DCC: variants seen among roughly 807,000 people sequenced by gnomAD.
DCC encodes the protein netrin receptor DCC.
DCC carries 58 observed loss-of-function variants against 172.5 expected under a neutral mutation model. That is an observed-to-expected ratio of 0.34 (90% CI 0.27 to 0.42). The LOEUF is 0.42. Among genes scored for constraint, DCC ranks in the 10% least tolerant of loss-of-function variants. The pLI is 1.00. For missense variants in DCC, 1,740 were observed against 1,791.0 expected, an observed-to-expected ratio of 0.97 and a Z score of 0.51; for synonymous variants, 709 against 644.5, an observed-to-expected ratio of 1.10 and a Z score of -1.52.
chr18:52,917,980 A>G (rs2040065705), intron 3 of DCC, among the ~76,000 whole-genome samples: 1 of 128,096 alleles, frequency 7.8e-6, no homozygotes, highest in Non-Finnish European at 1.9e-5. Context: ...ATTAGAAAAA[A>G]ATCCATTTTT....
chr18:53,137,345 C>T (rs1172968172), intron 7 of DCC, among the ~76,000 whole-genome samples: 2 of 152,142 alleles, frequency 1.3e-5, no homozygotes, highest in Non-Finnish European at 2.9e-5. Flanking sequence ...GGTCTGAGTT[C>T]CCCATGTCCT....
intron 12 of DCC, among the ~76,000 whole-genome samples, chr18:53,300,596 C>G (rs984307615): frequency 6.6e-5 from 10 of 152,060 alleles, no homozygotes; most frequent in Non-Finnish European, 1.0e-4. Flanking sequence ...TAGAAACACA[C>G]ATAAAACAAG....
chr18:52,758,077 A>C (rs2037103884), intron 2 of DCC, among the ~76,000 whole-genome samples: 1 of 152,218 alleles, frequency 6.6e-6, no homozygotes, highest in African/African-American at 2.4e-5. Flanking sequence ...TTATCCACTT[A>C]GTCCCTTGAA....
chr18:52,484,021 C>T (rs1364856500), intron 1 of DCC, among the ~76,000 whole-genome samples: 3 of 151,966 alleles, frequency 2.0e-5, no homozygotes, highest in African/African-American at 7.3e-5. Flanking sequence ...ATTTTTGTAG[C>T]ATTATGCTCT....
chr18:52,439,481 C>G (rs949997845), intron 1 of DCC, among the ~76,000 whole-genome samples: 1 of 152,056 alleles, frequency 6.6e-6, no homozygotes, highest in African/African-American at 2.4e-5. Context: ...CTGACCTTGC[C>G]TCTGTGCTCC....
chr18:52,770,431 C>T (rs1399722393), intron 2 of DCC, among the ~76,000 whole-genome samples: 2 of 152,206 alleles, frequency 1.3e-5, no homozygotes, highest in Admixed American at 1.3e-4. Context: ...ATACCATGCC[C>T]TCAATGTCCT....
At chr18:53,008,587 A>C (rs2041681036) in intron 5 of DCC, among the ~76,000 whole-genome samples, 1 of 152,060 alleles carries the variant, frequency 6.6e-6, no homozygotes, top group African/African-American at 2.4e-5. Context: ...ATAAGTGTAA[A>C]ATATCTTAAG....
intron 2 of DCC, among the ~76,000 whole-genome samples, chr18:52,885,417 G>T (rs1203388675): frequency 6.6e-6 from 1 of 152,122 alleles, no homozygotes; most frequent in African/African-American, 2.4e-5. Flanking sequence ...AGACAGAGGA[G>T]CCTCTCCCTG....
intron 1 of DCC, among the ~76,000 whole-genome samples, chr18:52,549,078 T>C (rs1432431849): frequency 6.6e-6 from 1 of 152,050 alleles, no homozygotes; most frequent in African/African-American, 2.4e-5. Flanking sequence ...ATGAGCAATT[T>C]TCTGATATGG....
At chr18:52,977,368 G>C (rs1479714102) in intron 5 of DCC, among the ~76,000 whole-genome samples, 1 of 152,102 alleles carries the variant, frequency 6.6e-6, no homozygotes, top group South Asian at 2.1e-4. Flanking sequence ...TCTGTGACAT[G>C]TCCTGCCCAT....
At chr18:53,168,777 G>T (rs1033903028) in intron 8 of DCC, among the ~76,000 whole-genome samples, 18 of 152,056 alleles carry the variant, frequency 1.2e-4, no homozygotes, top group African/African-American at 3.6e-4. Flanking sequence ...AAGCTGACAT[G>T]AACATAGGGG....
At position 52,797,575 on chromosome 18, in the gene DCC, G is replaced by T. The variant is rs564103494; in HGVS notation, c.412+45201G>T. On this transcript the variant is annotated intron_variant, in intron 2 of 28. Coordinates refer to ENST00000442544, the MANE Select transcript of DCC (RefSeq NM_005215.4). The stretch of plus-strand genomic sequence containing the variant: ...TAGACTGCAATTGTTAATGGAGGTT[G>T]TGGTAAGACTTTGATGGGGGTGGGA... Among the ~76,000 whole-genome samples the T allele has an allele frequency of 4.7e-4, 71 of 152,332 alleles. No individual in the cohort carries two copies. The South Asian group carries it at 0.014, about 31-fold the overall frequency.
At chr18:53,254,489 T>C (rs1456553343) in intron 12 of DCC, among the ~76,000 whole-genome samples, 2 of 152,004 alleles carry the variant, frequency 1.3e-5, no homozygotes, top group East Asian at 3.9e-4. Flanking sequence ...CAGGGCCCAC[T>C]TCAGTCCCAT....
At chr18:52,653,271 G>T (rs188915318) in intron 1 of DCC, among the ~76,000 whole-genome samples, 1 of 152,150 alleles carries the variant, frequency 6.6e-6, no homozygotes, top group Non-Finnish European at 1.5e-5. Context: ...TGACTAAAAG[G>T]AGTAAGAGTC....
chr18:52,633,419 TG>T (rs2034713719), intron 1 of DCC, among the ~76,000 whole-genome samples: 1 of 152,214 alleles, frequency 6.6e-6, no homozygotes, highest in Non-Finnish European at 1.5e-5. Context: ...TGGCAGATCC[TG>T]GGCTGAAAAT....
At chr18:53,139,743 G>A (rs2043802652) in intron 7 of DCC, among the ~76,000 whole-genome samples, 1 of 152,056 alleles carries the variant, frequency 6.6e-6, no homozygotes, top group African/African-American at 2.4e-5. Context: ...GGCAGAGGCA[G>A]TTTGGCTCTG....
Position 52,358,985 on chromosome 18 carries a change from T to A in DCC, c.91+18107T>A, listed in dbSNP as rs182389573. ...CATACTGCTTGTGTCTTCCAATTTATAAAATCCTCCATGACAACAATTCAT... is the reference window on the plus strand; with the variant it reads ...CATACTGCTTGTGTCTTCCAATTTAAAAAATCCTCCATGACAACAATTCAT... On this transcript the variant is annotated intron_variant, in intron 1 of 28. Coordinates refer to ENST00000442544, the MANE Select transcript of DCC (RefSeq NM_005215.4). Among the ~76,000 whole-genome samples, 88 of 152,338 alleles carry A rather than the reference T, an allele frequency of 5.8e-4. 1 individual carries two copies. The highest frequency in any genetic ancestry group is 6.8e-3 in the Middle Eastern group (2 of 294).
At chr18:53,411,443 T>G (rs1353694698) in intron 20 of DCC, among the ~76,000 whole-genome samples, 1 of 152,206 alleles carries the variant, frequency 6.6e-6, no homozygotes, top group East Asian at 1.9e-4. Context: ...AAGGATAACT[T>G]AGCTCTTAAA....
At chr18:52,608,417 A>C (rs533146104) in intron 1 of DCC, among the ~76,000 whole-genome samples, 23 of 152,312 alleles carry the variant, frequency 1.5e-4, no homozygotes, top group African/African-American at 4.3e-4. Flanking sequence ...GGCCTTCCCA[A>C]AGGGGACAGA....
Sources: gnomAD v4.1 joint callset for allele counts (sites outside exome capture counted in the v4.1 genomes callset) on GRCh38, gnomAD v4.1.1 for gene constraint, MANE v1.5 for transcripts, NCBI Gene and HGNC (gene_info 2026-07-23, HGNC 2026-07-21) for gene names.